Variants in RECK observed in about 807,000 individuals in gnomAD.
RECK encodes the protein reversion inducing cysteine rich protein with kazal motifs, also known as reversion-inducing cysteine-rich protein with Kazal motifs.
Under a neutral mutation model 115.1 loss-of-function variants are expected in RECK, and 69 were observed. That is an observed-to-expected ratio of 0.60 (90% CI 0.49 to 0.73). RECK has a LOEUF of 0.73. Among genes scored for constraint, RECK ranks in the 30% least tolerant of loss-of-function variants. The probability of loss-of-function intolerance (pLI) is 0.00; values close to 1 mark genes in which losing one functional copy is unlikely to be tolerated. For synonymous variants in RECK, 414 were observed against 419.7 expected (o/e 0.99, Z 0.17); for missense variants, 1,047 against 1,203.7 (o/e 0.87, Z 1.93).
In RECK at chr9:36,121,661, C is replaced by T. The variant is rs780911667; in HGVS notation, c.2667C>T (p.Pro889=). 12 of 1,613,986 alleles carry T rather than the reference C, an allele frequency of 7.4e-6. No homozygotes were observed. The highest frequency in any genetic ancestry group is 6.7e-5 in the East Asian group (3 of 44,902). The change falls in exon 20 of 21, where the codon CCC becomes CCT. Residue 889 remains proline, a synonymous_variant. Coordinates refer to ENST00000377966, the MANE Select transcript of RECK (RefSeq NM_021111.3). ...CAGAAATTGTGATCCTGATCATTCC[C>T]GTCGATCACTATCCAAAAGCTCTGC... The part of the protein sequence containing the change: ...IESEIVILII[P]VDHYPKALQI...
chr9:36,122,716 A>G (rs1824505669), intron 20 of RECK, 108 bp from the exon 21 acceptor site: 2 of 761,496 alleles, frequency 2.6e-6, no homozygotes, highest in African/African-American at 3.5e-5. Flanking sequence ...GAGAAAGTAA[A>G]TGCCCTCTGA....
intron 20 of RECK, among the ~76,000 whole-genome samples, chr9:36,122,135 G>A (rs1418330367): frequency 1.3e-5 from 2 of 152,178 alleles, no homozygotes; most frequent in Non-Finnish European, 2.9e-5. Flanking sequence ...ATCAGAGCTG[G>A]TCATGTGGGC....
rs1383621590 is a variant in RECK at position 36,091,276 on chromosome 9, G to T, written c.1018G>T (p.Ala340Ser). The T allele has an allele frequency of 4.3e-6, 7 of 1,611,006 alleles. No homozygotes were observed. The highest frequency in any genetic ancestry group is 5.9e-6 in the Non-Finnish European group (7 of 1,179,044). ...GGAAGTGTCCATGTTGACCTGTTTA[G>T]CGGATGTCCGGGAACCTTGCCAGTT... ...PVEVSMLTCL[A>S]DVREPCQLGC... Residue 340 changes from alanine to serine, a missense_variant, in exon 10 of 21, where the codon GCG becomes TCG. Coordinates refer to ENST00000377966, the MANE Select transcript of RECK (RefSeq NM_021111.3).
intron 2 of RECK, among the ~76,000 whole-genome samples, chr9:36,058,300 C>T (rs1416509911): frequency 6.7e-6 from 1 of 149,706 alleles, no homozygotes; most frequent in Non-Finnish European, 1.5e-5. Context: ...GGCACATATA[C>T]ACCATGGAAT....
rs543905521 is a variant in RECK, at chr9:36,060,820, A to G, written c.271+665A>G. Among the ~76,000 whole-genome samples, 5 of 152,264 alleles carry G rather than the reference A, an allele frequency of 3.3e-5. No individual in the cohort carries two copies. The South Asian group carries it at 1.0e-3, about 32-fold the overall frequency. Reference sequence around the variant, plus strand: ...ATCTAAATCATTGTTTGTAACTTCTAGATATCTTTGTAGACATCTCTACCT... The same window carrying G: ...ATCTAAATCATTGTTTGTAACTTCTGGATATCTTTGTAGACATCTCTACCT... On this transcript the variant is annotated intron_variant, in intron 4 of 20. Transcript: ENST00000377966.
intron 2 of RECK, among the ~76,000 whole-genome samples, chr9:36,053,243 A>T: frequency 6.6e-6 from 1 of 152,198 alleles, no homozygotes. Flanking sequence ...CCACTGAAGC[A>T]CTACCCATTC....
At chr9:36,058,117 T>C (rs1011197147) in intron 2 of RECK, among the ~76,000 whole-genome samples, 18 of 150,724 alleles carry the variant, frequency 1.2e-4, no homozygotes, top group African/African-American at 3.7e-4. Flanking sequence ...GATCTAGAAC[T>C]AGAAATACCA....
intron 10 of RECK, among the ~76,000 whole-genome samples, chr9:36,092,542 A>ATTTTTT (rs71508011): frequency 3.4e-5 from 4 of 117,052 alleles, no homozygotes; most frequent in Non-Finnish European, 5.3e-5. Flanking sequence ...CACCCAGCTA[A>ATTTTTT]TTTTTTTTTT....
intron 4 of RECK, among the ~76,000 whole-genome samples, chr9:36,061,439 G>C (rs1588283404): frequency 3.9e-5 from 3 of 76,716 alleles, no homozygotes; most frequent in East Asian, 3.4e-4. Flanking sequence ...CACACACACA[G>C]TTGCTAACAA....
intron 12 of RECK, 113 bp downstream of exon 12, chr9:36,102,343 A>G (rs752561106): frequency 1.8e-5 from 16 of 892,752 alleles, no homozygotes; most frequent in Admixed American, 5.3e-5. Flanking sequence ...ATGGGATTCA[A>G]TGATACCATC....
chr9:36,124,087 T>C lies in RECK; in HGVS notation c.*1042T>C, dbSNP rs1824555222. On this transcript the variant is annotated 3_prime_UTR_variant, in exon 21 of 21. Transcript: ENST00000377966. The stretch of plus-strand genomic sequence containing the variant: ...TTTTTTGATATAGAAGTATAAAGAA[T>C]TGTGGTTTATATATTTAAAAGTGTC... 6.6e-6 allele frequency: 1 copy of C among 152,652 alleles called. No homozygotes were observed. Among genetic ancestry groups the C allele is most frequent in the South Asian group, 2.1e-4 (1 of 4,828 alleles). 9.5% of individuals were successfully genotyped at this position (152,652 alleles called of 1,614,324 possible).
chr9:36,054,514 A>AT (rs892333771), intron 2 of RECK, among the ~76,000 whole-genome samples: 1 of 151,534 alleles, frequency 6.6e-6, no homozygotes, highest in African/African-American at 2.4e-5. Context: ...AAAAAAAAAA[A>AT]AAAAGCCAAT....
At chr9:36,059,791 A>G (rs1401317128) in intron 3 of RECK, among the ~76,000 whole-genome samples, 1 of 152,166 alleles carries the variant, frequency 6.6e-6, no homozygotes, top group Non-Finnish European at 1.5e-5. Flanking sequence ...TGTGAAGGGG[A>G]AAATAAGTTG....
intron 6 of RECK, among the ~76,000 whole-genome samples, chr9:36,073,701 A>G (rs1039920780): frequency 4.6e-5 from 7 of 152,156 alleles, no homozygotes; most frequent in Non-Finnish European, 8.8e-5. Context: ...CAGTATCCCA[A>G]GCTTTTCTCA....
intron 1 of RECK, among the ~76,000 whole-genome samples, chr9:36,039,014 G>A (rs890011757): frequency 1.4e-4 from 22 of 152,254 alleles, no homozygotes; most frequent in African/African-American, 5.1e-4. Flanking sequence ...GCTCAATAAA[G>A]TTGTTAAAGA....
intron 8 of RECK, among the ~76,000 whole-genome samples, chr9:36,087,376 C>A (rs993054895): frequency 7.9e-5 from 12 of 152,092 alleles, no homozygotes; most frequent in Non-Finnish European, 1.8e-4. Context: ...TCATTCTCAG[C>A]AAACTAACAC....
At chr9:36,038,814 A>AAC (rs71303748) in intron 1 of RECK, among the ~76,000 whole-genome samples, 1 of 126,540 alleles carries the variant, frequency 7.9e-6, no homozygotes, top group African/African-American at 3.2e-5. Flanking sequence ...AACAAACAAC[A>AAC]AAAAAAAAAA....
At chr9:36,055,193 A>G (rs1461089626) in intron 2 of RECK, among the ~76,000 whole-genome samples, 2 of 152,086 alleles carry the variant, frequency 1.3e-5, no homozygotes, top group Non-Finnish European at 2.9e-5. Flanking sequence ...CTTTCTTTTT[A>G]AGTGTGATTA....
Position 36,051,727 on chromosome 9 carries a change from C to G in RECK, c.101-538C>G, listed in dbSNP as rs181769079. On this transcript the variant is annotated intron_variant, in intron 1 of 20. Transcript: ENST00000377966. ...GAAACTCTCCCTAGACAATATCATT[C>G]ATTTCCATATACTCCTTTATGCTGA... 9.9e-5 allele frequency among the ~76,000 whole-genome samples: 15 copies of G among 152,272 alleles called. 1 individual carries two copies. The highest frequency in any genetic ancestry group is 1.9e-4 in the Non-Finnish European group (13 of 68,024).
Sources: allele counts gnomAD v4.1 joint callset (sites outside exome capture counted in the v4.1 genomes callset), GRCh38; gene constraint gnomAD v4.1.1; transcripts MANE v1.5; gene names NCBI Gene and HGNC (gene_info 2026-07-23, HGNC 2026-07-21).